The following TECRL variants were observed in gnomAD, a reference collection of about 807,000 sequenced individuals.
TECRL encodes the protein trans-2,3-enoyl-CoA reductase like, also known as trans-2,3-enoyl-CoA reductase-like.
In TECRL, 63 loss-of-function variants were observed where a neutral mutation model predicts 52.8. That is an observed-to-expected ratio of 1.19 (90% confidence interval 0.97 to 1.47). TECRL has a LOEUF of 1.47. Among genes scored for constraint, TECRL ranks in the 40% most tolerant of loss-of-function variants. The pLI, the probability that TECRL is intolerant of heterozygous loss-of-function variation, is 0.00. For missense variants in TECRL, 482 were observed against 429.6 expected (o/e 1.12, Z -1.08); for synonymous variants, 164 against 141.9 (o/e 1.16, Z -1.10).
intron 4 of TECRL, among the ~76,000 whole-genome samples, chr4:64,320,851 C>T (rs1375842087): frequency 1.3e-5 from 2 of 152,054 alleles, no homozygotes; most frequent in African/African-American, 2.4e-5. Flanking sequence ...ATGCATGCAT[C>T]GTCTATAGGT....
At chr4:64,317,743 T>A (rs1001757910) in intron 4 of TECRL, among the ~76,000 whole-genome samples, 1 of 152,178 alleles carries the variant, frequency 6.6e-6, no homozygotes, top group Non-Finnish European at 1.5e-5. Context: ...CTAATGAGTC[T>A]AGTGAGAAAA....
chr4:64,401,804 G>T (rs1036151986), intron 1 of TECRL, among the ~76,000 whole-genome samples: 1 of 152,200 alleles, frequency 6.6e-6, no homozygotes, highest in African/African-American at 2.4e-5. Context: ...TTTTAAACTA[G>T]TGTTTCCAGT....
At chr4:64,322,594 T>C (rs1001917999) in intron 4 of TECRL, 95 bp downstream of exon 4, 5 of 806,526 alleles carry the variant, frequency 6.2e-6, no homozygotes, top group Non-Finnish European at 8.9e-6. Flanking sequence ...CTACATTTTG[T>C]TTCGCTATGA....
At chr4:64,319,507 T>C (rs1372083974) in intron 4 of TECRL, among the ~76,000 whole-genome samples, 1 of 151,788 alleles carries the variant, frequency 6.6e-6, no homozygotes, top group Non-Finnish European at 1.5e-5. Flanking sequence ...GCTAAGATGA[T>C]GAAAAGACAA....
chr4:64,279,780 T>C lies in TECRL; in HGVS notation c.*292A>G, dbSNP rs183734231. 551 of 995,882 alleles carry C rather than the reference T, an allele frequency of 5.5e-4. 2 individuals carry two copies. In the African/African-American group the frequency reaches 8.9e-3, roughly 16 times the overall value. 61.7% of individuals were successfully genotyped at this position (995,882 alleles called of 1,614,324 possible). A position where few individuals can be genotyped will look rare whatever the true frequency, so the allele number is the denominator to read the frequency against. On this transcript the variant is annotated 3_prime_UTR_variant, in exon 12 of 12. Transcript: ENST00000381210. ...TTTTTTTTTTTGCTGTGGTATTTTGTCTTATGCAAATAGTATTGTGAAGTA... is the reference window on the plus strand; with the variant it reads ...TTTTTTTTTTTGCTGTGGTATTTTGCCTTATGCAAATAGTATTGTGAAGTA...
chr4:64,372,065 A>G (rs1209957335), intron 2 of TECRL, among the ~76,000 whole-genome samples: 1 of 151,780 alleles, frequency 6.6e-6, no homozygotes, highest in Non-Finnish European at 1.5e-5. Context: ...TTTTTCAGCT[A>G]GGTTTTTAAA....
intron 1 of TECRL, among the ~76,000 whole-genome samples, chr4:64,385,704 C>A (rs1301221889): frequency 6.6e-6 from 1 of 152,084 alleles, no homozygotes; most frequent in Non-Finnish European, 1.5e-5. Flanking sequence ...AGTGCAGCAG[C>A]TAATTTGAGT....
At chr4:64,406,856 T>C (rs1724761592) in intron 1 of TECRL, among the ~76,000 whole-genome samples, 1 of 151,964 alleles carries the variant, frequency 6.6e-6, no homozygotes, top group African/African-American at 2.4e-5. Context: ...ATTTCTTTTG[T>C]ACACTGGGTA....
chr4:64,389,630 G>C (rs1171713645), intron 1 of TECRL, among the ~76,000 whole-genome samples: 1 of 151,792 alleles, frequency 6.6e-6, no homozygotes, highest in African/African-American at 2.4e-5. Context: ...GCATCATAGA[G>C]TGAGTTAGGA....
chr4:64,350,675 T>C lies in TECRL; in HGVS notation c.287-22119A>G, dbSNP rs531256763. On this transcript the variant is annotated intron_variant, in intron 2 of 11. Transcript: ENST00000381210. ...GAAAGCCTCACTTGATAAAGACTGA[T>C]CTCCTTTGAAGAAGAAGAAAATTTG... 3.7e-4 allele frequency among the ~76,000 whole-genome samples: 56 copies of C among 152,102 alleles called. 1 individual carries two copies. In the South Asian group the frequency reaches 1.0e-2, roughly 27 times the overall value.
intron 5 of TECRL, among the ~76,000 whole-genome samples, chr4:64,313,952 T>C (rs1453007855): frequency 3.8e-4 from 47 of 124,776 alleles, no homozygotes; most frequent in African/African-American, 1.3e-3. Flanking sequence ...GCTAACACGG[T>C]GAAATCCCGT....
intron 1 of TECRL, among the ~76,000 whole-genome samples, chr4:64,403,475 G>GCGCGCACACACACACACACACA (rs59253067): frequency 1.4e-4 from 21 of 148,344 alleles, no homozygotes; most frequent in African/African-American, 5.2e-4. Context: ...CTCCCTGAGC[G>GCGCGCACACACACACACACACA]CACACACACA....
At chr4:64,325,933 C>T (rs1018669779) in intron 3 of TECRL, among the ~76,000 whole-genome samples, 5 of 152,074 alleles carry the variant, frequency 3.3e-5, no homozygotes, top group African/African-American at 1.2e-4. Context: ...GACCATTGTC[C>T]TTGGCTTTCC....
At chr4:64,399,619 AC>A (rs1724211427) in intron 1 of TECRL, among the ~76,000 whole-genome samples, 1 of 152,066 alleles carries the variant, frequency 6.6e-6, no homozygotes, top group African/African-American at 2.4e-5. Context: ...CCTTGCCTAG[AC>A]CCAGGACACT....
intron 2 of TECRL, among the ~76,000 whole-genome samples, chr4:64,353,148 A>G (rs1244993149): frequency 1.3e-5 from 2 of 152,236 alleles, no homozygotes; most frequent in Non-Finnish European, 2.9e-5. Flanking sequence ...AGTAAATTAC[A>G]GTTTAACAGT....
At chr4:64,288,200 A>G (rs940738888) in intron 9 of TECRL, among the ~76,000 whole-genome samples, 27 of 152,014 alleles carry the variant, frequency 1.8e-4, no homozygotes, top group Non-Finnish European at 5.9e-5. Context: ...AGCAGTGGAG[A>G]CAACTCACAA....
At chr4:64,368,387 C>A (rs1292719856) in intron 2 of TECRL, among the ~76,000 whole-genome samples, 3 of 152,100 alleles carry the variant, frequency 2.0e-5, no homozygotes, top group African/African-American at 7.2e-5. Context: ...CCTCTGCCTA[C>A]CAGATTCAAG....
intron 1 of TECRL, among the ~76,000 whole-genome samples, chr4:64,388,115 T>C (rs1723301159): frequency 1.3e-5 from 2 of 151,652 alleles, no homozygotes; most frequent in Non-Finnish European, 2.9e-5. Context: ...ACCATAAGAG[T>C]TCTATAGTTT....
chr4:64,374,027 TATATATATATGTATATAGTAGATAC>T (rs1269336217), intron 2 of TECRL, among the ~76,000 whole-genome samples: 3 of 82,500 alleles, frequency 3.6e-5, no homozygotes, highest in African/African-American at 1.4e-4. Context: ...AGTAGATACA[TATATATATATGTATATAGTAGATAC>T]ATATATATAT....
Sources: allele counts gnomAD v4.1 joint callset (sites outside exome capture counted in the v4.1 genomes callset), GRCh38; gene constraint gnomAD v4.1.1; transcripts MANE v1.5; gene names NCBI Gene and HGNC (gene_info 2026-07-23, HGNC 2026-07-21).